ZBTB7B: variants seen among roughly 807,000 people sequenced by gnomAD.
ZBTB7B encodes the protein zinc finger and BTB domain-containing protein 7B.
Under a neutral mutation model 31.0 loss-of-function variants are expected in ZBTB7B, and 8 were observed. The ratio of observed to expected loss-of-function variants is 0.26; its 90% confidence interval spans 0.15 to 0.47. The LOEUF is 0.47. Ranked by LOEUF, ZBTB7B falls within the 20% of genes least tolerant of loss-of-function variation. ZBTB7B has a pLI of 0.99. For synonymous variants in ZBTB7B, 261 were observed against 307.3 expected (o/e 0.85, Z 1.58); for missense variants, 494 against 742.4 (o/e 0.67, Z 3.89).
intron 1 of ZBTB7B, among the ~76,000 whole-genome samples, chr1:155,012,561 C>G (rs1659066967): frequency 6.6e-6 from 1 of 151,984 alleles, no homozygotes; most frequent in Admixed American, 6.6e-5. Context: ...GGGAGAGCTC[C>G]CAGATGGCTT....
In ZBTB7B at chr1:155,003,910, G is replaced by T. The variant is rs1288294442; in HGVS notation, c.-7+967G>T. 6.6e-6 allele frequency among the ~76,000 whole-genome samples: 1 copy of T among 152,194 alleles called. No homozygotes were observed. The highest frequency in any genetic ancestry group is 2.4e-5 in the African/African-American group (1 of 41,462). On this transcript the variant is annotated intron_variant, in intron 1 of 2. Transcript: ENST00000535420. This position sits in a 1 kb window ranked among gnomAD's most constrained non-coding sequence, Gnocchi z 5.8. ...GCGAGGTGGGGGCGGGAGTGGGGGGGCGGCGTGGGCAGCGGGTTGTGCCCG... is the reference window on the plus strand; with the variant it reads ...GCGAGGTGGGGGCGGGAGTGGGGGGTCGGCGTGGGCAGCGGGTTGTGCCCG...
At position 155,004,816 on chromosome 1, in the gene ZBTB7B, C is replaced by T. The variant is rs1440818802; in HGVS notation, c.-7+1873C>T. 6.6e-6 allele frequency among the ~76,000 whole-genome samples: 1 copy of T among 151,848 alleles called. No homozygotes were observed. The highest frequency in any genetic ancestry group is 2.4e-5 in the African/African-American group (1 of 41,278). ...CTGTGGGCACAACACAACCTGCTGG[C>T]ACCCCCAGACACTGTCCCCTCCCTT... On this transcript the variant is annotated intron_variant, in intron 1 of 2. Transcript: ENST00000535420. The surrounding 1 kb of genome is among the most constrained non-coding windows in gnomAD (Gnocchi z 4.0).
At chr1:155,007,375 A>G (rs1185527701) in intron 1 of ZBTB7B, among the ~76,000 whole-genome samples, 1 of 151,294 alleles carries the variant, frequency 6.6e-6, no homozygotes, top group Non-Finnish European at 1.5e-5. Context: ...GCCCCACCCC[A>G]CTCCCTTGCA....
Position 155,017,346 on chromosome 1 carries a change from C to T in ZBTB7B, c.*661C>T, listed in dbSNP as rs373935939. 1.0e-5 allele frequency: 1 copy of T among 98,274 alleles called. No homozygotes were observed. Among genetic ancestry groups the T allele is most frequent in the South Asian group, 2.7e-4 (1 of 3,714 alleles). The allele number at this position is 98,274 out of a possible 1,614,324, so 6.1% of individuals were successfully genotyped here. A position where few individuals can be genotyped will look rare whatever the true frequency, so the allele number is the denominator to read the frequency against. ...GGTGGCCTGATTGGCTCGCCTGCCC[C>T]TGGGGGCAGTAGAGGGGCCCCGCCC... On this transcript the variant is annotated 3_prime_UTR_variant, in exon 3 of 3. Transcript: ENST00000535420.
At position 155,016,513 on chromosome 1, in the gene ZBTB7B, G is replaced by A. The variant is rs1453444332; in HGVS notation, c.1448G>A (p.Gly483Asp). 3 of 1,614,036 alleles carry A rather than the reference G, an allele frequency of 1.9e-6. No individual in the cohort carries two copies. The highest frequency in any genetic ancestry group is 2.5e-6 in the Non-Finnish European group (3 of 1,179,960). The change falls in exon 3 of 3, where the codon GGC (glycine) becomes GAC (aspartate). Residue 483 changes from glycine (G) to aspartate (D), a missense_variant. By Grantham distance (94) the Gly-to-Asp change is moderately conservative (BLOSUM62 -1). Coordinates refer to ENST00000535420, the MANE Select transcript of ZBTB7B (RefSeq NM_001256455.2). This position sits in a 1 kb window ranked among gnomAD's most constrained non-coding sequence, Gnocchi z 4.3. ...PPSTAAASPA[G>D]LDLSNGHLDT... is the part of the protein sequence containing the mutation. ...TCTACCGCTGCTGCATCCCCCGCTG[G>A]CCTCGACCTCTCCAATGGCCACCTG...
intron 1 of ZBTB7B, among the ~76,000 whole-genome samples, chr1:155,009,812 AG>A (rs1658827137): frequency 6.6e-6 from 1 of 152,072 alleles, no homozygotes; most frequent in African/African-American, 2.4e-5. Context: ...ATGCCTGGGA[AG>A]AAGGGAATGG....
chr1:155,011,332 C>T lies in ZBTB7B; in HGVS notation c.-6-3323C>T, dbSNP rs544784734. On this transcript the variant is annotated intron_variant, in intron 1 of 2. Transcript: ENST00000535420. ...TTTCTTTCCAAGACCAGGCCAGTGG[C>T]CTCCACCTTTTGGTTTCTTGGTGCT... Among the ~76,000 whole-genome samples, 11 of 152,388 alleles carry T rather than the reference C, an allele frequency of 7.2e-5. No individual in the cohort carries two copies. The South Asian group carries it at 2.1e-3, about 29-fold the overall frequency.
intron 1 of ZBTB7B, among the ~76,000 whole-genome samples, chr1:155,007,366 C>T (rs1168460996): frequency 1.3e-5 from 2 of 152,208 alleles, no homozygotes; most frequent in Non-Finnish European, 2.9e-5. Context: ...CAGAGAGCAG[C>T]CCCACCCCAC....
At chr1:155,005,035 C>T (rs1364186699) in intron 1 of ZBTB7B, among the ~76,000 whole-genome samples, 1 of 151,872 alleles carries the variant, frequency 6.6e-6, no homozygotes, top group Non-Finnish European at 1.5e-5. Flanking sequence ...CAGGTGCTGT[C>T]CCCTTCTTCT....
Position 155,016,591 on chromosome 1 carries a change from G to C in ZBTB7B, c.1526G>C (p.Gly509Ala). ...ARFWEQSAPT[G>A]PPVSTPGPPD... ...TTCTGGGAGCAGTCAGCCCCCACTG[G>C]GCCCCCGGTCTCTACCCCAGGGCCC... The change falls in exon 3 of 3, where the codon GGG (glycine) becomes GCG (alanine). Residue 509 changes from glycine (G) to alanine (A), a missense_variant. Physicochemically the swap from Gly to Ala is moderately conservative, Grantham distance 60 (BLOSUM62 0). Around this residue, in one of 5 missense-constraint regions of ZBTB7B, gnomAD observed 101 missense variants for 119.5 expected, o/e 0.85. Coordinates refer to ENST00000535420, the MANE Select transcript of ZBTB7B (RefSeq NM_001256455.2). This position sits in a 1 kb window ranked among gnomAD's most constrained non-coding sequence, Gnocchi z 4.3. 1 of 1,613,574 alleles carries C rather than the reference G, an allele frequency of 6.2e-7. No individual in the cohort carries two copies. Among genetic ancestry groups the C allele is most frequent in the Non-Finnish European group, 8.5e-7 (1 of 1,179,658 alleles).
chr1:155,013,859 TG>T (rs1659172439), intron 1 of ZBTB7B, among the ~76,000 whole-genome samples: 1 of 50,064 alleles, frequency 2.0e-5, no homozygotes, highest in South Asian at 5.7e-4. Flanking sequence ...GGGGAGGATG[TG>T]GGGGGAGGGA....
intron 1 of ZBTB7B, among the ~76,000 whole-genome samples, chr1:155,007,381 T>G (rs1444013954): frequency 6.6e-6 from 1 of 152,158 alleles, no homozygotes; most frequent in Admixed American, 6.5e-5. Context: ...CCCCACTCCC[T>G]TGCAGGCTGC....
At position 155,008,905 on chromosome 1, in the gene ZBTB7B, C is replaced by A. The variant is rs115457581; in HGVS notation, c.-6-5750C>A. Among the ~76,000 whole-genome samples, 1,193 of 152,044 alleles carry A rather than the reference C, an allele frequency of 7.8e-3. 18 individuals carry two copies. The highest frequency in any genetic ancestry group is 0.027 in the African/African-American group (1,138 of 41,490). ...GGGGAACAGCCACCCTACCTCCCCC[C>A]AAGCCTGGCCCTCCCCCACCTGTCC... On this transcript the variant is annotated intron_variant, in intron 1 of 2. Coordinates refer to ENST00000535420, the MANE Select transcript of ZBTB7B (RefSeq NM_001256455.2).
intron 1 of ZBTB7B, among the ~76,000 whole-genome samples, chr1:155,008,967 C>T (rs1169940988): frequency 6.6e-6 from 1 of 152,236 alleles, no homozygotes; most frequent in Non-Finnish European, 1.5e-5. Context: ...GGAGTTGCCG[C>T]CAGGCCCCTC....
intron 1 of ZBTB7B, among the ~76,000 whole-genome samples, chr1:155,005,857 C>G (rs1377741740): frequency 6.6e-6 from 1 of 152,320 alleles, no homozygotes; most frequent in African/African-American, 2.4e-5. Flanking sequence ...CCCCCTCCCC[C>G]CCACTCTTGC....
intron 1 of ZBTB7B, among the ~76,000 whole-genome samples, chr1:155,011,671 C>T (rs1242623364): frequency 6.6e-6 from 1 of 152,248 alleles, no homozygotes; most frequent in Non-Finnish European, 1.5e-5. Flanking sequence ...CCAACCACCA[C>T]ACACACCCAT....
chr1:155,013,431 T>G (rs938766230), intron 1 of ZBTB7B, among the ~76,000 whole-genome samples: 17 of 152,118 alleles, frequency 1.1e-4, no homozygotes, highest in African/African-American at 3.9e-4. Flanking sequence ...CTTGCACAGC[T>G]GAGGAAATGG....
chr1:155,008,964 C>CCG, intron 1 of ZBTB7B, among the ~76,000 whole-genome samples: 1 of 152,338 alleles, frequency 6.6e-6, no homozygotes, highest in East Asian at 1.9e-4. Context: ...GGAGGAGTTG[C>CCG]CGCCAGGCCC....
At chr1:155,012,288 G>A (rs1346778305) in intron 1 of ZBTB7B, among the ~76,000 whole-genome samples, 2 of 151,976 alleles carry the variant, frequency 1.3e-5, no homozygotes, top group Non-Finnish European at 2.9e-5. Context: ...GGAGGGAGAG[G>A]GATGGGGTGA....
Sources: allele counts gnomAD v4.1 joint callset (sites outside exome capture counted in the v4.1 genomes callset), GRCh38; gene constraint gnomAD v4.1.1; regional missense constraint gnomAD v4.1.1; non-coding constraint Gnocchi (gnomAD v3.1); transcripts MANE v1.5; gene names NCBI Gene and HGNC (gene_info 2026-07-23, HGNC 2026-07-21).